Variants in PPM1A observed in about 807,000 individuals in gnomAD.
The protein encoded by PPM1A is protein phosphatase, Mg2+/Mn2+ dependent 1A, also known as protein phosphatase 1A.
A neutral mutation model predicts 35.0 loss-of-function variants in PPM1A; 7 were observed. That is an observed-to-expected ratio of 0.20 (90% CI 0.11 to 0.38). The LOEUF is 0.38. Among genes scored for constraint, PPM1A ranks in the 10% least tolerant of loss-of-function variants. PPM1A has a pLI of 1.00. For synonymous variants in PPM1A, 153 were observed against 167.3 expected, an observed-to-expected ratio of 0.91 and a Z score of 0.66; for missense variants, 239 against 467.8, an observed-to-expected ratio of 0.51 and a Z score of 4.51.
chr14:60,250,495 C>T (rs912809467), intron 1 of PPM1A: 11 of 876,738 alleles, frequency 1.3e-5, no homozygotes, highest in African/African-American at 3.6e-5. Flanking sequence ...TTTTTCTTCT[C>T]TCCTGAAACA....
intron 1 of PPM1A, among the ~76,000 whole-genome samples, chr14:60,252,135 TTACTC>T (rs1461126034): frequency 3.3e-5 from 5 of 152,336 alleles, no homozygotes; most frequent in East Asian, 3.8e-4. Context: ...GGCCATTTGT[TTACTC>T]TAATAGCTAA....
intron 1 of PPM1A, among the ~76,000 whole-genome samples, chr14:60,259,259 AC>A (rs1251396518): frequency 1.2e-4 from 19 of 152,040 alleles, no homozygotes; most frequent in Admixed American, 6.5e-4. Context: ...TTCAGCAGGG[AC>A]ATTTCATATG....
chr14:60,263,662 CCT>C (rs965084690), intron 1 of PPM1A, among the ~76,000 whole-genome samples: 3 of 152,054 alleles, frequency 2.0e-5, no homozygotes, highest in Non-Finnish European at 4.4e-5. Context: ...CAACCCTCAC[CCT>C]CTCCCACCCA....
Position 60,293,934 on chromosome 14 carries a change from C to T in PPM1A, c.*1452C>T, listed in dbSNP as rs1389201455. ...CTGTCGCATTGAAAAGATTACTGTT[C>T]CGTGCCCTTCTGTATTTTTGTCTCT... On this transcript the variant is annotated 3_prime_UTR_variant, in exon 6 of 6. Coordinates refer to ENST00000395076, the MANE Select transcript of PPM1A (RefSeq NM_021003.5). The surrounding 1 kb of genome is among the most constrained non-coding windows in gnomAD (Gnocchi z 4.0). The T allele has an allele frequency of 1.3e-5, 2 of 151,850 alleles. No homozygotes were observed. The highest frequency in any genetic ancestry group is 2.9e-5 in the Non-Finnish European group (2 of 67,862). 9.4% of individuals were successfully genotyped at this position (151,850 alleles called of 1,614,324 possible).
upstream of PPM1A, among the ~76,000 whole-genome samples, chr14:60,247,716 A>C (rs1397626025): frequency 6.6e-6 from 1 of 151,960 alleles, no homozygotes; most frequent in African/African-American, 2.4e-5. Context: ...GCTTTTTACA[A>C]CTTTAAAAGC....
chr14:60,272,835 A>G (rs542389696), intron 1 of PPM1A, among the ~76,000 whole-genome samples: 1 of 152,046 alleles, frequency 6.6e-6, no homozygotes, highest in African/African-American at 2.4e-5. Context: ...TTATTCTCTA[A>G]TATCTTTTGG....
rs1169657817 is a variant in PPM1A at position 60,289,287 on chromosome 14, C to A, written c.953-519C>A. 6.6e-6 allele frequency among the ~76,000 whole-genome samples: 1 copy of A among 151,976 alleles called. No individual in the cohort carries two copies. The highest frequency in any genetic ancestry group is 1.9e-4 in the East Asian group (1 of 5,194). The stretch of plus-strand genomic sequence containing the variant: ...TGTTCAAGTACATAATCTGTGCATG[C>A]TATTTAAGTATCATTTTGCAAATAT... On this transcript the variant is annotated intron_variant, in intron 3 of 5. Coordinates refer to ENST00000395076, the MANE Select transcript of PPM1A (RefSeq NM_021003.5). This position sits in a 1 kb window ranked among gnomAD's most constrained non-coding sequence, Gnocchi z 4.1.
In PPM1A at chr14:60,295,107, T is replaced by C. The variant is rs1887956560; in HGVS notation, c.*2625T>C. On this transcript the variant is annotated 3_prime_UTR_variant, in exon 6 of 6. Coordinates refer to ENST00000395076, the MANE Select transcript of PPM1A (RefSeq NM_021003.5). Reference sequence around the variant, plus strand: ...AAAATGTTTGATGTGTTCTGTTCTTTGGAGGGAAAAAGTTCTTATGTGATG... The same window carrying C: ...AAAATGTTTGATGTGTTCTGTTCTTCGGAGGGAAAAAGTTCTTATGTGATG... The C allele has an allele frequency of 6.6e-6, 1 of 151,752 alleles. No individual in the cohort carries two copies. The highest frequency in any genetic ancestry group is 6.6e-5 in the Admixed American group (1 of 15,204). The allele number at this position is 151,752 out of a possible 1,614,324, so 9.4% of individuals were successfully genotyped here. A position where few individuals can be genotyped will look rare whatever the true frequency, so the allele number is the denominator to read the frequency against.
At chr14:60,287,969 T>C (rs989491043) in intron 3 of PPM1A, 2 of 983,778 alleles carry the variant, frequency 2.0e-6, no homozygotes, top group Non-Finnish European at 2.4e-6. Context: ...ATCTTCTATA[T>C]ATAAATATTC....
At chr14:60,247,845 GCTC>G (rs556761138), upstream of PPM1A, among the ~76,000 whole-genome samples, 5 of 152,174 alleles carry the variant, frequency 3.3e-5, no homozygotes, top group South Asian at 1.0e-3. Context: ...GCTATAGTGA[GCTC>G]CTCAAGTAAA....
At position 60,283,509 on chromosome 14, in the gene PPM1A, A is replaced by G. The variant is rs760139883; in HGVS notation, c.806A>G (p.Asn269Ser). 7.4e-6 allele frequency: 12 copies of G among 1,613,302 alleles called. No homozygotes were observed. Among genetic ancestry groups the G allele is most frequent in the African/African-American group, 2.7e-5 (2 of 74,920 alleles). ...EVTDDLEKVC[N>S]EVVDTCLYKG... ...ACTGATGACCTTGAGAAAGTTTGCA[A>G]TGAAGTAGTCGACACCTGTTTGTAT... The change falls in exon 2 of 6, where the codon AAT becomes AGT. Residue 269 changes from asparagine (N) to serine (S), a missense_variant. This residue lies in a region of PPM1A where 175 missense variants were observed against 389.2 expected (regional missense o/e 0.45). Coordinates refer to ENST00000395076, the MANE Select transcript of PPM1A (RefSeq NM_021003.5). This position sits in a 1 kb window ranked among gnomAD's most constrained non-coding sequence, Gnocchi z 6.3.
In PPM1A at chr14:60,273,058, A is replaced by G. The variant is rs1885350403; in HGVS notation, c.-20-9626A>G. 6.6e-6 allele frequency among the ~76,000 whole-genome samples: 1 copy of G among 151,852 alleles called. No homozygotes were observed. Among genetic ancestry groups the G allele is most frequent in the African/African-American group, 2.4e-5 (1 of 41,288 alleles). ...TTCAACTGAGGAACACTTTCTTCTC[A>G]TTTCTTTGATGATAGCTTCTCTGTT... is the stretch of plus-strand genomic sequence containing the variant. On this transcript the variant is annotated intron_variant, in intron 1 of 5. Transcript: ENST00000395076. The surrounding 1 kb of genome is among the most constrained non-coding windows in gnomAD (Gnocchi z 4.3).
At position 60,298,200 on chromosome 14, in the gene PPM1A, A is replaced by T. The variant is rs910835506; in HGVS notation, c.*5718A>T. On this transcript the variant is annotated 3_prime_UTR_variant, in exon 6 of 6. Coordinates refer to ENST00000395076, the MANE Select transcript of PPM1A (RefSeq NM_021003.5). The stretch of plus-strand genomic sequence containing the variant: ...TCAACAGAAAAGAGGTAAAACAGAA[A>T]TGGAATGTATCTGGAACATTTTTGG... 1.3e-5 allele frequency: 2 copies of T among 151,766 alleles called. No homozygotes were observed. The highest frequency in any genetic ancestry group is 4.8e-5 in the African/African-American group (2 of 41,422). 9.4% of individuals were successfully genotyped at this position (151,766 alleles called of 1,614,324 possible). A position where few individuals can be genotyped will look rare whatever the true frequency, so the allele number is the denominator to read the frequency against.
intron 1 of PPM1A, among the ~76,000 whole-genome samples, chr14:60,252,507 G>C (rs760263134): frequency 6.6e-6 from 1 of 152,178 alleles, no homozygotes; most frequent in African/African-American, 2.4e-5. Flanking sequence ...ACATGGCCCT[G>C]TGAAATATAT....
At chr14:60,246,561 C>T (rs1881796125), upstream of PPM1A, among the ~76,000 whole-genome samples, 1 of 152,150 alleles carries the variant, frequency 6.6e-6, no homozygotes, top group Non-Finnish European at 1.5e-5. Flanking sequence ...CTGTGAACAT[C>T]CCAAATATGT....
At chr14:60,257,971 G>T (rs1180713831) in intron 1 of PPM1A, among the ~76,000 whole-genome samples, 1 of 152,110 alleles carries the variant, frequency 6.6e-6, no homozygotes, top group African/African-American at 2.4e-5. Context: ...CTTTCTGACA[G>T]CCTGTAAGAC....
intron 1 of PPM1A, among the ~76,000 whole-genome samples, chr14:60,257,218 G>A (rs1372889499): frequency 6.6e-6 from 1 of 152,126 alleles, no homozygotes. Context: ...GAAATTCTCA[G>A]TGAGTCTGAG....
chr14:60,264,057 G>A (rs932915589), intron 1 of PPM1A, among the ~76,000 whole-genome samples: 1 of 151,044 alleles, frequency 6.6e-6, no homozygotes, highest in Non-Finnish European at 1.5e-5. Flanking sequence ...ATTGTTCCTT[G>A]CATCTTCTCT....
chr14:60,287,453 A>G (rs1337365888), intron 3 of PPM1A: 38 of 985,014 alleles, frequency 3.9e-5, no homozygotes, highest in African/African-American at 7.0e-5. Flanking sequence ...AATTGCTGCT[A>G]TTTTAAAACA....
Sources: allele counts gnomAD v4.1 joint callset (sites outside exome capture counted in the v4.1 genomes callset), GRCh38; gene constraint gnomAD v4.1.1; regional missense constraint gnomAD v4.1.1; non-coding constraint Gnocchi (gnomAD v3.1); transcripts MANE v1.5; gene names NCBI Gene and HGNC (gene_info 2026-07-23, HGNC 2026-07-21).